The following COL26A1 variants were observed in gnomAD, a reference collection of about 807,000 sequenced individuals.
The protein encoded by COL26A1 is collagen type XXVI alpha 1 chain.
A neutral mutation model predicts 59.3 loss-of-function variants in COL26A1; 41 were observed. The observed-to-expected ratio is 0.69, with a 90% CI of 0.54 to 0.90. The LOEUF is 0.90. COL26A1 is among the 40% of genes least tolerant of loss of function. COL26A1 has a pLI of 0.00. For synonymous variants in COL26A1, 266 were observed against 256.0 expected, an observed-to-expected ratio of 1.04 and a Z score of -0.37; for missense variants, 612 against 602.3, an observed-to-expected ratio of 1.02 and a Z score of -0.17.
chr7:101,413,106 C>A (rs1298423603), intron 1 of COL26A1, among the ~76,000 whole-genome samples: 1 of 152,200 alleles, frequency 6.6e-6, no homozygotes, highest in East Asian at 1.9e-4. Flanking sequence ...TCAGCCAAGT[C>A]ACAGAGCCAA....
intron 1 of COL26A1, among the ~76,000 whole-genome samples, chr7:101,398,264 G>T (rs1318349357): frequency 6.6e-6 from 1 of 152,180 alleles, no homozygotes; most frequent in African/African-American, 2.4e-5. Context: ...GAGCTTGTCA[G>T]CTTGAACTTG....
At chr7:101,410,540 A>G (rs950313504) in intron 1 of COL26A1, among the ~76,000 whole-genome samples, 11 of 152,226 alleles carry the variant, frequency 7.2e-5, no homozygotes, top group African/African-American at 2.7e-4. Context: ...GTAATCATGC[A>G]TAAAGGATGA....
chr7:101,454,181 A>C (rs1375553732), intron 3 of COL26A1, among the ~76,000 whole-genome samples: 1 of 152,084 alleles, frequency 6.6e-6, no homozygotes, highest in African/African-American at 2.4e-5. Context: ...AGGTCAAACC[A>C]GGTGACACCC....
rs772332259 is a variant in COL26A1, at chr7:101,544,057, C to T, written c.664C>T (p.Arg222Ter). Reference sequence around the variant, plus strand: ...AGGCCCCCCCGGGTCTAAAGGTGACCGAGGCCAGACAGGAGAGAAGGGTCC... The same window carrying T: ...AGGCCCCCCCGGGTCTAAAGGTGACTGAGGCCAGACAGGAGAGAAGGGTCC... ...PAGPPGSKGD[R>*]GQTGEKGPAG... Residue 222 changes from arginine to a stop codon, truncating the protein, a stop_gained, in exon 6 of 13, where the codon CGA (arginine) becomes TGA (stop). Transcript: ENST00000313669. LOFTEE classifies it high-confidence loss of function. 8 of 1,605,326 alleles carry T rather than the reference C, an allele frequency of 5.0e-6. No homozygotes were observed. Among genetic ancestry groups the T allele is most frequent in the Admixed American group, 3.4e-5 (2 of 58,964 alleles).
intron 3 of COL26A1, among the ~76,000 whole-genome samples, chr7:101,461,677 A>G (rs370425788): frequency 5.9e-5 from 9 of 152,128 alleles, no homozygotes; most frequent in East Asian, 5.8e-4. Context: ...TACCTTTCTC[A>G]CTACAGCAGA....
At chr7:101,494,103 GTACTTC>G (rs1177328486) in intron 3 of COL26A1, among the ~76,000 whole-genome samples, 2 of 143,890 alleles carry the variant, frequency 1.4e-5, no homozygotes, top group African/African-American at 2.5e-5. Flanking sequence ...GAAGACACAG[GTACTTC>G]TACTTCTATT....
rs372357049 is a variant in COL26A1 at position 101,550,705 on chromosome 7, C to T, written c.994-403C>T. On this transcript the variant is annotated intron_variant, in intron 9 of 12. Coordinates refer to ENST00000313669, the MANE Select transcript of COL26A1 (RefSeq NM_001278563.3). ...GGGCACCTCATGGTCAGCTGGGTGG[C>T]GATGTCAGGGGACAGCTGGACACGG... is the stretch of plus-strand genomic sequence containing the variant. Among the ~76,000 whole-genome samples, 97 of 152,042 alleles carry T rather than the reference C, an allele frequency of 6.4e-4. No individual in the cohort carries two copies. The East Asian group carries it at 0.011, about 18-fold the overall frequency.
At chr7:101,372,764 G>T (rs988752473) in intron 1 of COL26A1, among the ~76,000 whole-genome samples, 2 of 152,118 alleles carry the variant, frequency 1.3e-5, no homozygotes, top group African/African-American at 4.8e-5. Context: ...GGGAGGCCAA[G>T]GTGGGAGGAT....
At chr7:101,388,481 GACAA>G (rs111567306) in intron 1 of COL26A1, among the ~76,000 whole-genome samples, 44 of 134,142 alleles carry the variant, frequency 3.3e-4, no homozygotes, top group African/African-American at 1.2e-3. Context: ...CTCAAAAACA[GACAA>G]ACAAAAAGCC....
intron 1 of COL26A1, among the ~76,000 whole-genome samples, chr7:101,393,941 T>TA (rs1004490604): frequency 7.3e-5 from 11 of 150,582 alleles, no homozygotes; most frequent in Non-Finnish European, 1.0e-4. Flanking sequence ...TTTTTTAGAT[T>TA]AAAAAAAAAT....
chr7:101,462,298 T>G (rs1164330397), intron 3 of COL26A1, among the ~76,000 whole-genome samples: 1 of 151,572 alleles, frequency 6.6e-6, no homozygotes, highest in Non-Finnish European at 1.5e-5. Flanking sequence ...GCACCCAGCC[T>G]CAGGGAGCAT....
intron 1 of COL26A1, among the ~76,000 whole-genome samples, chr7:101,388,231 G>C (rs922055980): frequency 7.2e-5 from 11 of 151,808 alleles, no homozygotes; most frequent in Admixed American, 2.6e-4. Context: ...CCAGTACTTT[G>C]GGAGGCTAAG....
chr7:101,491,616 C>G (rs1170107219), intron 3 of COL26A1, among the ~76,000 whole-genome samples: 8 of 152,126 alleles, frequency 5.3e-5, no homozygotes. Context: ...TTATTCATGC[C>G]TCCCCTTTTT....
chr7:101,467,638 C>T (rs893983543), intron 3 of COL26A1, among the ~76,000 whole-genome samples: 8 of 146,044 alleles, frequency 5.5e-5, no homozygotes, highest in Non-Finnish European at 1.1e-4. Context: ...GAGGCTGAGG[C>T]GGGCAGATCA....
intron 3 of COL26A1, among the ~76,000 whole-genome samples, chr7:101,481,447 A>AAAATAT (rs1030606372): frequency 2.1e-5 from 3 of 143,480 alleles, no homozygotes; most frequent in African/African-American, 7.7e-5. Context: ...AATCTCCCAA[A>AAAATAT]ATATATATAT....
At position 101,467,824 on chromosome 7, in the gene COL26A1, G is replaced by A. The variant is rs566196245; in HGVS notation, c.385+20037G>A. On this transcript the variant is annotated intron_variant, in intron 3 of 12. Transcript: ENST00000313669. ...AGGGCTTGCAGTGAGCCGAGATCGC[G>A]CCACTGCACTCCAGCCTGGGTGACA... Among the ~76,000 whole-genome samples the A allele has an allele frequency of 5.9e-5, 9 of 152,178 alleles. No homozygotes were observed. The South Asian group carries it at 6.2e-4, about 11-fold the overall frequency.
intron 3 of COL26A1, among the ~76,000 whole-genome samples, chr7:101,510,025 G>GTTTTTTTTTTTTTT (rs1563019330): frequency 1.0e-5 from 1 of 98,126 alleles, no homozygotes; most frequent in African/African-American, 8.7e-5. Flanking sequence ...ATCGCGCCCA[G>GTTTTTTTTTTTTTT]TCTTTTTTTT....
At chr7:101,555,501 G>A (rs1418515370) in intron 11 of COL26A1, among the ~76,000 whole-genome samples, 6 of 152,188 alleles carry the variant, frequency 3.9e-5, no homozygotes, top group Non-Finnish European at 7.3e-5. Context: ...AGGCTGACAG[G>A]TGTGGATCTG....
At chr7:101,522,870 T>C (rs1437513273) in intron 3 of COL26A1, among the ~76,000 whole-genome samples, 2 of 152,138 alleles carry the variant, frequency 1.3e-5, no homozygotes, top group Non-Finnish European at 2.9e-5. Context: ...TCAGCCATTC[T>C]AGTGGCTATG....
Sources: gnomAD v4.1 joint callset for allele counts (sites outside exome capture counted in the v4.1 genomes callset) on GRCh38, gnomAD v4.1.1 for gene constraint, MANE v1.5 for transcripts, NCBI Gene and HGNC (gene_info 2026-07-23, HGNC 2026-07-21) for gene names.